The following NTRK3 variants were observed in gnomAD, a reference collection of about 807,000 sequenced individuals.
NTRK3 encodes the protein NT-3 growth factor receptor.
Under a neutral mutation model 91.7 loss-of-function variants are expected in NTRK3, and 24 were observed. The ratio of observed to expected loss-of-function variants is 0.26; its 90% CI spans 0.19 to 0.37. NTRK3 has a LOEUF of 0.37. Ranked by LOEUF, NTRK3 falls within the 10% of genes least tolerant of loss-of-function variation. NTRK3 has a pLI of 1.00. For missense variants in NTRK3, 880 were observed against 1,068.9 expected (o/e 0.82, Z 2.46); for synonymous variants, 483 against 404.0 (o/e 1.20, Z -2.34).
intron 3 of NTRK3, among the ~76,000 whole-genome samples, chr15:88,209,536 A>G (rs2049064917): frequency 6.6e-6 from 1 of 152,238 alleles, no homozygotes; most frequent in African/African-American, 2.4e-5. Context: ...TAAAAAGCCA[A>G]ACAGGTAGCC....
At chr15:88,006,653 G>A (rs139819904) in intron 14 of NTRK3, among the ~76,000 whole-genome samples, 1 of 152,212 alleles carries the variant, frequency 6.6e-6, no homozygotes, top group African/African-American at 2.4e-5. Context: ...GAAGCAGTGA[G>A]CATCTCCTTG....
intron 17 of NTRK3, among the ~76,000 whole-genome samples, chr15:87,919,397 C>T (rs1343562789): frequency 6.6e-6 from 1 of 152,190 alleles, no homozygotes; most frequent in African/African-American, 2.4e-5. Context: ...CGGTTCTTTG[C>T]ACCTCAACCT....
exon 19 of NTRK3, chr15:87,873,421 A>T (rs917258487): frequency 8.7e-6 from 2 of 230,654 alleles, no homozygotes; most frequent in Admixed American, 5.7e-5. Flanking sequence ...CCATGGCCAC[A>T]ACACCCTACT....
At chr15:88,246,448 G>A (rs1412457279) in intron 3 of NTRK3, among the ~76,000 whole-genome samples, 1 of 152,178 alleles carries the variant, frequency 6.6e-6, no homozygotes, top group Non-Finnish European at 1.5e-5. Flanking sequence ...GTTGGTGGGG[G>A]CAGGGAGAGG....
intron 3 of NTRK3, among the ~76,000 whole-genome samples, chr15:88,236,768 TA>T (rs375701404): frequency 0.012 from 1,305 of 111,156 alleles, 15 homozygotes; most frequent in East Asian, 0.037. Context: ...CTACCAAAAT[TA>T]AAAAAAAAAA....
rs560410830 is a variant in NTRK3, at chr15:88,220,738, A to G, written c.248+35168T>C. 4.6e-5 allele frequency among the ~76,000 whole-genome samples: 7 copies of G among 152,250 alleles called. No individual in the cohort carries two copies. The South Asian group carries it at 1.5e-3, about 32-fold the overall frequency. On this transcript the variant is annotated intron_variant, in intron 3 of 18. Transcript: ENST00000394480. Reference sequence around the variant, plus strand: ...CCAGCTTCTTCCCAGCGAGAGCGGGAACGTCCAAAAGATCTGTCCCTCAAG... The same window carrying G: ...CCAGCTTCTTCCCAGCGAGAGCGGGGACGTCCAAAAGATCTGTCCCTCAAG...
intron 14 of NTRK3, among the ~76,000 whole-genome samples, chr15:87,972,101 C>A (rs765247288): frequency 1.3e-5 from 2 of 152,198 alleles, no homozygotes; most frequent in Non-Finnish European, 2.9e-5. Flanking sequence ...GTCCTTCTCA[C>A]TGCAGAATGA....
At chr15:88,186,077 G>T (rs981167212) in intron 3 of NTRK3, among the ~76,000 whole-genome samples, 3 of 152,136 alleles carry the variant, frequency 2.0e-5, no homozygotes, top group Non-Finnish European at 1.5e-5. Context: ...AAAAGAAAGC[G>T]CCAGAGGAGT....
intron 13 of NTRK3, among the ~76,000 whole-genome samples, chr15:88,060,030 T>C (rs2046069445): frequency 6.6e-6 from 1 of 151,886 alleles, no homozygotes; most frequent in Non-Finnish European, 1.5e-5. Flanking sequence ...AGCCACCGAG[T>C]CTGGAAGGTC....
chr15:88,204,209 T>C (rs1239692624), intron 3 of NTRK3, among the ~76,000 whole-genome samples: 2 of 152,244 alleles, frequency 1.3e-5, no homozygotes, highest in Admixed American at 6.5e-5. Context: ...TCTCCTCCAT[T>C]GGATTCCGCA....
intron 3 of NTRK3, among the ~76,000 whole-genome samples, chr15:88,246,386 G>A (rs2052826560): frequency 6.6e-6 from 1 of 152,202 alleles, no homozygotes; most frequent in Non-Finnish European, 1.5e-5. Context: ...GTCAATGCCA[G>A]GACCTGCTAT....
intron 13 of NTRK3, among the ~76,000 whole-genome samples, chr15:88,097,350 G>C (rs999892183): frequency 6.6e-6 from 1 of 152,142 alleles, no homozygotes; most frequent in Non-Finnish European, 1.5e-5. Context: ...TGAAGAGTGT[G>C]ATTATGTATA....
At position 88,168,647 on chromosome 15, in the gene NTRK3, C is replaced by A. The variant is rs1357696618; in HGVS notation, c.395+14771G>T. On this transcript the variant is annotated intron_variant, in intron 5 of 18. Coordinates refer to ENST00000394480, the Ensembl canonical transcript of NTRK3. Reference sequence around the variant, plus strand: ...GGGAGGGGAGCCCCACTGCCTCCTGCAGGGAGTGAGCTGCCCACCTCAGGG... The same window carrying A: ...GGGAGGGGAGCCCCACTGCCTCCTGAAGGGAGTGAGCTGCCCACCTCAGGG... Among the ~76,000 whole-genome samples, 3 of 152,222 alleles carry A rather than the reference C, an allele frequency of 2.0e-5. No individual in the cohort carries two copies. The East Asian group carries it at 5.8e-4, about 29-fold the overall frequency.
At chr15:88,035,395 C>T (rs1328646934) in intron 13 of NTRK3, among the ~76,000 whole-genome samples, 3 of 152,162 alleles carry the variant, frequency 2.0e-5, no homozygotes, top group Non-Finnish European at 4.4e-5. Context: ...TGAAGCTCAG[C>T]CCCTTCTTCC....
intron 3 of NTRK3, among the ~76,000 whole-genome samples, chr15:88,189,071 G>A (rs903768243): frequency 6.6e-6 from 1 of 152,158 alleles, no homozygotes; most frequent in African/African-American, 2.4e-5. Flanking sequence ...TGATGACATT[G>A]ACCTCCAGAG....
At chr15:88,023,156 T>C (rs1009737798) in intron 14 of NTRK3, among the ~76,000 whole-genome samples, 2 of 152,194 alleles carry the variant, frequency 1.3e-5, no homozygotes, top group African/African-American at 4.8e-5. Context: ...CAGAGATTAA[T>C]ATCTTGAGGC....
chr15:88,201,303 T>C (rs146675604), intron 3 of NTRK3, among the ~76,000 whole-genome samples: 46 of 152,250 alleles, frequency 3.0e-4, no homozygotes, highest in South Asian at 2.1e-3. Flanking sequence ...CAGCATGCCA[T>C]TGGTAATTCA....
At chr15:88,149,380 G>C (rs192090288) in intron 5 of NTRK3, among the ~76,000 whole-genome samples, 1 of 152,144 alleles carries the variant, frequency 6.6e-6, no homozygotes, top group African/African-American at 2.4e-5. Context: ...CTGTTCTGCT[G>C]TCTTCCCTGT....
chr15:88,194,048 C>A (rs1013099871), intron 3 of NTRK3, among the ~76,000 whole-genome samples: 1 of 152,202 alleles, frequency 6.6e-6, no homozygotes, highest in East Asian at 1.9e-4. Flanking sequence ...CAAATCCAAT[C>A]GACTCTTCTC....
Sources: gnomAD v4.1 joint callset for allele counts (sites outside exome capture counted in the v4.1 genomes callset) on GRCh38, gnomAD v4.1.1 for gene constraint, MANE v1.5 for transcripts, NCBI Gene and HGNC (gene_info 2026-07-23, HGNC 2026-07-21) for gene names.